RAB9B: variants seen among roughly 807,000 people sequenced by gnomAD.
RAB9B encodes the protein RAB9B, member RAS oncogene family.
In RAB9B, 1 loss-of-function variant was observed where a neutral mutation model predicts 8.9. The ratio of observed to expected loss-of-function variants is 0.11; its 90% CI spans 0.04 to 0.53. The LOEUF (loss-of-function observed/expected upper bound fraction) is 0.53, where lower values mean the gene tolerates loss of function less well. RAB9B is among the 20% of genes least tolerant of loss of function. The pLI is 0.93. For synonymous variants in RAB9B, 63 were observed against 57.0 expected (o/e 1.10, Z -0.47); for missense variants, 82 against 152.9 (o/e 0.54, Z 2.45).
At chrX:103,802,058 A>C in the RAB9B span, among the ~76,000 whole-genome samples, 1 of 111,107 alleles carries the variant, frequency 9.0e-6, no homozygotes, top group Non-Finnish European at 1.9e-5. Context: ...AACAGTTAAA[A>C]AGTACATAAT....
chrX:103,803,516 G>A, the RAB9B span, among the ~76,000 whole-genome samples: 1 of 112,474 alleles, frequency 8.9e-6, no homozygotes, highest in Non-Finnish European at 1.9e-5. Context: ...ATGTCTATGA[G>A]ATATTTTGCC....
chrX:103,787,689 GGA>G, the RAB9B span: 1 of 664,876 alleles, frequency 1.5e-6, no homozygotes, highest in East Asian at 3.2e-5. Context: ...GGAGAGCCCT[GGA>G]ACCTGGTTTT....
chrX:103,782,968 A>T, the RAB9B span, among the ~76,000 whole-genome samples: 1 of 112,282 alleles, frequency 8.9e-6, no homozygotes, highest in African/African-American at 3.2e-5. Flanking sequence ...CCCCATCCCC[A>T]GGCTTCAGAG....
At chrX:103,816,610 A>G in the RAB9B span, among the ~76,000 whole-genome samples, 1 of 112,407 alleles carries the variant, frequency 8.9e-6, no homozygotes, top group African/African-American at 3.2e-5. Flanking sequence ...GAGCTTCTGC[A>G]CAGAAAAATA....
At chrX:103,814,069 G>C in the RAB9B span, among the ~76,000 whole-genome samples, 1 of 111,257 alleles carries the variant, frequency 9.0e-6, no homozygotes, top group Non-Finnish European at 1.9e-5. Context: ...CTTGAACTCA[G>C]CTCTGGACCA....
chrX:103,777,780 T>G, the RAB9B span, among the ~76,000 whole-genome samples: 1 of 112,582 alleles, frequency 8.9e-6, no homozygotes, highest in Non-Finnish European at 1.9e-5. Flanking sequence ...GGTGGTAGTT[T>G]CTACTCAGAG....
the RAB9B span, among the ~76,000 whole-genome samples, chrX:103,797,493 A>C: frequency 8.9e-6 from 1 of 112,106 alleles, no homozygotes; most frequent in Admixed American, 9.5e-5. Context: ...TTACAGCAAA[A>C]GTTTATGCAA....
chrX:103,776,979 G>A, the RAB9B span: 14 of 1,202,494 alleles, frequency 1.2e-5, no homozygotes, highest in East Asian at 4.2e-4. Context: ...TACAATTGGA[G>A]TCAGAGTCCC....
At chrX:103,806,328 A>T in the RAB9B span, among the ~76,000 whole-genome samples, 2 of 110,835 alleles carry the variant, frequency 1.8e-5, no homozygotes, top group African/African-American at 6.6e-5. Context: ...GGTATTTTCT[A>T]ATTTTTCATG....
At chrX:103,811,627 A>C in the RAB9B span, among the ~76,000 whole-genome samples, 1 of 111,816 alleles carries the variant, frequency 8.9e-6, no homozygotes, top group Non-Finnish European at 1.9e-5. Context: ...GCAGAGACAC[A>C]ATAGCTTTCC....
At chrX:103,782,400 G>A in the RAB9B span, among the ~76,000 whole-genome samples, 1 of 111,829 alleles carries the variant, frequency 8.9e-6, no homozygotes. Flanking sequence ...GAAAATAGAG[G>A]AAAAATGGAT....
chrX:103,830,941 G>A (rs998348753), intron 1 of RAB9B, among the ~76,000 whole-genome samples: 3 of 111,703 alleles, frequency 2.7e-5, no homozygotes, highest in Non-Finnish European at 5.6e-5. Context: ...CAGTAGTGCA[G>A]ATTGCTCGGA....
chrX:103,786,375 C>A, the RAB9B span: 1 of 1,075,323 alleles, frequency 9.3e-7, no homozygotes. Flanking sequence ...AAGGTGCTCG[C>A]TCTGGTGTAT....
rs1426691402 is a variant in RAB9B, at chrX:103,825,667, T to C, written c.118A>G (p.Ile40Val). Residue 40 changes from isoleucine (I) to valine (V), a missense_variant, in exon 3 of 3, where the codon ATA (isoleucine) becomes GTA (valine). Transcript: ENST00000243298. ...TCTCGATTTAAGAACTCTACCCCTA[T>C]GGTGTGAAAAGCCTGGGAGTCAAAT... is the stretch of plus-strand genomic sequence containing the variant. Reference protein sequence around the residue: ...NKFDSQAFHTIGVEFLNRDLE... With the variant: ...NKFDSQAFHTVGVEFLNRDLE... 1 of 1,210,973 alleles carries C rather than the reference T, an allele frequency of 8.3e-7. No homozygotes were observed. The highest frequency in any genetic ancestry group is 1.1e-6 in the Non-Finnish European group (1 of 895,005).
At chrX:103,828,185 T>C (rs749345329) in intron 1 of RAB9B, among the ~76,000 whole-genome samples, 4 of 112,007 alleles carry the variant, frequency 3.6e-5, no homozygotes, top group African/African-American at 1.3e-4. Context: ...AATAATCACA[T>C]GTTATTTTCT....
the RAB9B span, chrX:103,776,838 C>T: frequency 3.7e-6 from 2 of 543,197 alleles, no homozygotes; most frequent in Non-Finnish European, 6.2e-6. Context: ...AATCAGAAAG[C>T]CCTTTTCATT....
the RAB9B span, chrX:103,779,843 C>G: frequency 8.9e-6 from 1 of 112,405 alleles, no homozygotes; most frequent in African/African-American, 3.2e-5. Context: ...GTCTATCGTC[C>G]TGAAGCCTTG....
chrX:103,817,601 TCTA>T (rs1249447299), downstream of RAB9B, among the ~76,000 whole-genome samples: 3 of 110,027 alleles, frequency 2.7e-5, no homozygotes, highest in African/African-American at 9.9e-5. Flanking sequence ...ATATACTCTC[TCTA>T]TATATACTAT....
At chrX:103,778,807 C>T in the RAB9B span, among the ~76,000 whole-genome samples, 1 of 112,197 alleles carries the variant, frequency 8.9e-6, no homozygotes, top group African/African-American at 3.2e-5. Context: ...TAACAAGGTA[C>T]TGGACTGCCA....
Sources: gnomAD v4.1 joint callset for allele counts (sites outside exome capture counted in the v4.1 genomes callset) on GRCh38, gnomAD v4.1.1 for gene constraint, MANE v1.5 for transcripts, NCBI Gene and HGNC (gene_info 2026-07-23, HGNC 2026-07-21) for gene names.